SLC24A3: variants seen among roughly 807,000 people sequenced by gnomAD.
SLC24A3 encodes the protein sodium/potassium/calcium exchanger 3.
A neutral mutation model predicts 75.8 loss-of-function variants in SLC24A3; 28 were observed. The observed-to-expected ratio is 0.37, with a 90% CI of 0.27 to 0.51. The LOEUF is 0.51. Among genes scored for constraint, SLC24A3 ranks in the 20% least tolerant of loss-of-function variants. The pLI is 0.94. For missense variants in SLC24A3, 663 were observed against 847.8 expected (o/e 0.78, Z 2.71); for synonymous variants, 372 against 334.1 (o/e 1.11, Z -1.24).
At chr20:19,692,588 G>A (rs1024915849) in intron 12 of SLC24A3, among the ~76,000 whole-genome samples, 10 of 152,194 alleles carry the variant, frequency 6.6e-5, no homozygotes, top group Non-Finnish European at 1.3e-4. Context: ...GAGGGTGAGG[G>A]TTTGACTAGA....
intron 2 of SLC24A3, among the ~76,000 whole-genome samples, chr20:19,408,609 C>G (rs926582842): frequency 6.6e-6 from 1 of 152,014 alleles, no homozygotes; most frequent in Admixed American, 6.6e-5. Context: ...AAGCTGGTCT[C>G]GAACTTCTGG....
chr20:19,394,891 A>G (rs1986426728), intron 2 of SLC24A3, among the ~76,000 whole-genome samples: 1 of 152,244 alleles, frequency 6.6e-6, no homozygotes, highest in South Asian at 2.1e-4. Context: ...GATTGAAAGC[A>G]GACACTCAAA....
At chr20:19,232,396 A>G (rs959103297) in intron 1 of SLC24A3, among the ~76,000 whole-genome samples, 2 of 152,228 alleles carry the variant, frequency 1.3e-5, no homozygotes, top group African/African-American at 4.8e-5. Context: ...TTTAAATAGA[A>G]TGTTTCATGT....
rs192454636 is a variant in SLC24A3, at chr20:19,221,702, G to A, written c.142+8718G>A. 1.9e-3 allele frequency among the ~76,000 whole-genome samples: 287 copies of A among 152,272 alleles called. 2 individuals carry two copies. Among genetic ancestry groups the A allele is most frequent in the Non-Finnish European group, 1.7e-3 (115 of 68,012 alleles). ...TGTTGCCTCTGAGAAATCTGCTGCT[G>A]TCTTGGTTAATCATTTTCGAAGCCT... On this transcript the variant is annotated intron_variant, in intron 1 of 16. Coordinates refer to ENST00000328041, the MANE Select transcript of SLC24A3 (RefSeq NM_020689.4).
chr20:19,510,279 T>C (rs1326159688), intron 2 of SLC24A3, among the ~76,000 whole-genome samples: 7 of 152,200 alleles, frequency 4.6e-5, no homozygotes, highest in Non-Finnish European at 1.0e-4. Flanking sequence ...AGTCTTAACA[T>C]TGGGGTCCTA....
intron 2 of SLC24A3, among the ~76,000 whole-genome samples, chr20:19,335,835 T>C (rs1985118443): frequency 6.6e-6 from 1 of 152,220 alleles, no homozygotes; most frequent in Non-Finnish European, 1.5e-5. Flanking sequence ...GTAATGATGA[T>C]GTAGAACATA....
chr20:19,322,788 G>C (rs1984743904), intron 2 of SLC24A3, among the ~76,000 whole-genome samples: 1 of 152,180 alleles, frequency 6.6e-6, no homozygotes, highest in Admixed American at 6.5e-5. Flanking sequence ...AGGGCCTGTG[G>C]TTAAGCCCTT....
chr20:19,417,460 C>G (rs1007268), intron 2 of SLC24A3, among the ~76,000 whole-genome samples: 84,545 of 151,984 alleles, frequency 0.56, 24,327 homozygotes, highest in East Asian at 0.91. Context: ...TGGATGGAAG[C>G]GTGATACCTC....
intron 6 of SLC24A3, among the ~76,000 whole-genome samples, chr20:19,622,916 G>A (rs533764063): frequency 2.9e-4 from 44 of 152,112 alleles, no homozygotes; most frequent in South Asian, 8.3e-4. Flanking sequence ...CAAGAGAGAA[G>A]GAAGGAAGAT....
intron 2 of SLC24A3, among the ~76,000 whole-genome samples, chr20:19,429,391 A>T (rs1362663709): frequency 2.0e-5 from 3 of 152,264 alleles, no homozygotes; most frequent in Non-Finnish European, 4.4e-5. Flanking sequence ...GCATTGCAGC[A>T]TAATGCTGAA....
chr20:19,574,350 G>A (rs1015882208), intron 3 of SLC24A3, among the ~76,000 whole-genome samples: 1 of 152,172 alleles, frequency 6.6e-6, no homozygotes, highest in South Asian at 2.1e-4. Context: ...TCTGTTACCT[G>A]TACATCAAAG....
intron 6 of SLC24A3, among the ~76,000 whole-genome samples, chr20:19,607,530 C>T (rs1310483106): frequency 1.3e-5 from 2 of 152,208 alleles, no homozygotes; most frequent in Non-Finnish European, 2.9e-5. Context: ...CATTAATGTA[C>T]CATTTCACCT....
At chr20:19,404,675 G>A (rs1050103539) in intron 2 of SLC24A3, among the ~76,000 whole-genome samples, 11 of 152,172 alleles carry the variant, frequency 7.2e-5, no homozygotes, top group African/African-American at 2.4e-5. Context: ...CCCAGAGGTC[G>A]GGCTGGACAC....
intron 3 of SLC24A3, among the ~76,000 whole-genome samples, chr20:19,578,370 C>A (rs2031171591): frequency 6.6e-6 from 1 of 151,440 alleles, no homozygotes; most frequent in Non-Finnish European, 1.5e-5. Flanking sequence ...TGTGCCTGTC[C>A]CATCTCTTGG....
chr20:19,399,542 G>A (rs1349306030), intron 2 of SLC24A3, among the ~76,000 whole-genome samples: 13 of 152,074 alleles, frequency 8.5e-5, no homozygotes, highest in Admixed American at 8.5e-4. Flanking sequence ...CAAATATTTT[G>A]GAGATTTTTC....
intron 2 of SLC24A3, among the ~76,000 whole-genome samples, chr20:19,365,915 GT>G (rs929579401): frequency 6.6e-6 from 1 of 152,128 alleles, no homozygotes. Flanking sequence ...TTTATTATCT[GT>G]TTTTTCTTTT....
chr20:19,721,081 A>G lies in SLC24A3; in HGVS notation c.1876A>G (p.Ile626Val). 3 of 1,614,056 alleles carry G rather than the reference A, an allele frequency of 1.9e-6. No individual in the cohort carries two copies. Among genetic ancestry groups the G allele is most frequent in the South Asian group, 1.1e-5 (1 of 91,064 alleles). ...LLYGVFLCFS[I>V]MTEFNVFTFV... Reference sequence around the variant, plus strand: ...GTATGGTGTGTTCCTGTGCTTCTCCATCATGACTGAGTTCAACGTGTTCAC... The same window carrying G: ...GTATGGTGTGTTCCTGTGCTTCTCCGTCATGACTGAGTTCAACGTGTTCAC... The change falls in exon 17 of 17, where the codon ATC becomes GTC. Residue 626 changes from isoleucine (I) to valine (V), a missense_variant. Physicochemically the swap from Ile to Val is conservative, Grantham distance 29 (BLOSUM62 3). Coordinates refer to ENST00000328041, the MANE Select transcript of SLC24A3 (RefSeq NM_020689.4).
intron 3 of SLC24A3, among the ~76,000 whole-genome samples, chr20:19,535,745 A>G (rs1486586996): frequency 6.6e-6 from 1 of 152,174 alleles, no homozygotes; most frequent in African/African-American, 2.4e-5. Flanking sequence ...CCTAGATTGC[A>G]TATTTATTTA....
At chr20:19,236,133 C>T (rs1982160565) in intron 1 of SLC24A3, among the ~76,000 whole-genome samples, 1 of 152,136 alleles carries the variant, frequency 6.6e-6, no homozygotes, top group Non-Finnish European at 1.5e-5. Flanking sequence ...TATTGGGGAG[C>T]CATGCTCTGT....
Sources: allele counts gnomAD v4.1 joint callset (sites outside exome capture counted in the v4.1 genomes callset), GRCh38; gene constraint gnomAD v4.1.1; transcripts MANE v1.5; gene names NCBI Gene and HGNC (gene_info 2026-07-23, HGNC 2026-07-21).